Variants in ANXA13 observed in about 807,000 individuals in gnomAD.
ANXA13 encodes the protein annexin XIII.
In ANXA13, 36 loss-of-function variants were observed where a neutral mutation model predicts 46.6. That is an observed-to-expected ratio of 0.77 (90% confidence interval 0.59 to 1.02). The LOEUF (loss-of-function observed/expected upper bound fraction) is 1.02, where lower values mean the gene tolerates loss of function less well. ANXA13 is among the 50% of genes least tolerant of loss of function. The probability of loss-of-function intolerance (pLI) is 0.00; values close to 1 mark genes in which losing one functional copy is unlikely to be tolerated. For missense variants in ANXA13, 417 were observed against 396.5 expected, an observed-to-expected ratio of 1.05 and a Z score of -0.44; for synonymous variants, 163 against 152.9, an observed-to-expected ratio of 1.07 and a Z score of -0.49.
chr8:123,728,133 T>C (rs1814037866), intron 1 of ANXA13: 2 of 152,198 alleles, frequency 1.3e-5, no homozygotes, highest in Non-Finnish European at 2.9e-5. Context: ...CCTTGAGTGC[T>C]GTGTTGGGCT....
In ANXA13 at chr8:123,690,813, A is replaced by G. The variant is rs373278878; in HGVS notation, c.643-1867T>C. On this transcript the variant is annotated intron_variant, in intron 8 of 10. Transcript: ENST00000419625. This position sits in a 1 kb window ranked among gnomAD's most constrained non-coding sequence, Gnocchi z 4.6. ...CCCAAATGGACGGCACGCTGACAGCAGAGCCCTCTGTGCTCTGGCACTGAC... is the reference window on the plus strand; with the variant it reads ...CCCAAATGGACGGCACGCTGACAGCGGAGCCCTCTGTGCTCTGGCACTGAC... 2.6e-5 allele frequency among the ~76,000 whole-genome samples: 4 copies of G among 152,318 alleles called. No homozygotes were observed. The East Asian group carries it at 7.7e-4, about 29-fold the overall frequency.
chr8:123,691,620 C>G (rs1813244555), intron 8 of ANXA13, among the ~76,000 whole-genome samples: 1 of 152,158 alleles, frequency 6.6e-6, no homozygotes, highest in African/African-American at 2.4e-5. Context: ...AACCGAGGCA[C>G]AGAACCCTTA....
At chr8:123,719,356 T>A (rs1813818248) in intron 1 of ANXA13, among the ~76,000 whole-genome samples, 1 of 152,220 alleles carries the variant, frequency 6.6e-6, no homozygotes, top group Non-Finnish European at 1.5e-5. Flanking sequence ...CTCCTTATTT[T>A]TCCTCCCTTA....
In ANXA13 at chr8:123,702,588, G is replaced by A. The variant is rs374755044; in HGVS notation, c.186+54C>T. Reference sequence around the variant, plus strand: ...CGTGGCCTGGGGACATGAGGAAGCCGAGACGGCTGAGGCCATGGCTGGGTG... The same window carrying A: ...CGTGGCCTGGGGACATGAGGAAGCCAAGACGGCTGAGGCCATGGCTGGGTG... On this transcript the variant is annotated intron_variant, in intron 3 of 10. Coordinates refer to ENST00000419625, the MANE Select transcript of ANXA13 (RefSeq NM_004306.4). 28 of 1,449,510 alleles carry A rather than the reference G, an allele frequency of 1.9e-5. No homozygotes were observed. The Admixed American group carries it at 2.0e-4, about 10-fold the overall frequency. The allele number at this position is 1,449,510 out of a possible 1,614,324, so 89.8% of individuals were successfully genotyped here. A position where few individuals can be genotyped will look rare whatever the true frequency, so the allele number is the denominator to read the frequency against.
At chr8:123,697,533 G>A (rs1448157888) in intron 4 of ANXA13, among the ~76,000 whole-genome samples, 3 of 152,224 alleles carry the variant, frequency 2.0e-5, no homozygotes, top group Admixed American at 6.5e-5. Context: ...GCTGAGCAGC[G>A]TGAACGTGGC....
At chr8:123,681,420 G>A in intron 10 of ANXA13, 61 bp from the exon 11 acceptor site, 1 of 1,526,314 alleles carries the variant, frequency 6.6e-7, no homozygotes, top group Non-Finnish European at 9.0e-7. Flanking sequence ...CAAACAGTGG[G>A]CACTGTTCTA....
At chr8:123,729,274 C>T (rs1403776118) in intron 1 of ANXA13, 2 of 152,126 alleles carry the variant, frequency 1.3e-5, no homozygotes, top group Non-Finnish European at 2.9e-5. Flanking sequence ...TCTCACCAGC[C>T]CCTTTTGCTT....
rs778941952 is a variant in ANXA13, at chr8:123,693,678, A to G, written c.540+33T>C. On this transcript the variant is annotated intron_variant, in intron 7 of 10. Transcript: ENST00000419625. ...ATAATGCTAATAAATTTAAAAAAAG[A>G]ATTTGCAGAGACTGGCATGTCTGCA... 5 of 1,563,702 alleles carry G rather than the reference A, an allele frequency of 3.2e-6. No individual in the cohort carries two copies. The Admixed American group carries it at 1.0e-4, about 31-fold the overall frequency.
intron 1 of ANXA13, among the ~76,000 whole-genome samples, chr8:123,732,729 T>G (rs1244440547): frequency 6.6e-6 from 1 of 152,010 alleles, no homozygotes; most frequent in East Asian, 1.9e-4. Context: ...GATTGCATAA[T>G]TGTACCTAAA....
At chr8:123,695,120 G>T (rs1478897856) in intron 6 of ANXA13, among the ~76,000 whole-genome samples, 2 of 152,072 alleles carry the variant, frequency 1.3e-5, no homozygotes, top group African/African-American at 4.8e-5. Flanking sequence ...TGTGGAAGCG[G>T]CCCTGCTTGG....
intron 1 of ANXA13, among the ~76,000 whole-genome samples, chr8:123,725,017 C>T (rs1813956702): frequency 1.3e-5 from 2 of 152,182 alleles, no homozygotes; most frequent in Admixed American, 1.3e-4. Context: ...CCCATGTGGA[C>T]CATGTAAACA....
intron 2 of ANXA13, among the ~76,000 whole-genome samples, chr8:123,706,485 C>T (rs1813542588): frequency 6.6e-6 from 1 of 152,150 alleles, no homozygotes; most frequent in African/African-American, 2.4e-5. Context: ...TGGCTGTCCC[C>T]TTTCCCTCAC....
At chr8:123,687,015 T>C (rs975920319) in intron 9 of ANXA13, among the ~76,000 whole-genome samples, 8 of 152,220 alleles carry the variant, frequency 5.3e-5, no homozygotes, top group African/African-American at 1.9e-4. Flanking sequence ...GTACCATCTT[T>C]GCTCTTTGTT....
At chr8:123,730,726 G>C (rs1313319473) in intron 1 of ANXA13, among the ~76,000 whole-genome samples, 1 of 152,182 alleles carries the variant, frequency 6.6e-6, no homozygotes, top group Non-Finnish European at 1.5e-5. Context: ...CCCAGACTGG[G>C]TAATTTATAA....
At chr8:123,687,464 G>C (rs1813160582) in intron 9 of ANXA13, among the ~76,000 whole-genome samples, 1 of 152,126 alleles carries the variant, frequency 6.6e-6, no homozygotes, top group Non-Finnish European at 1.5e-5. Context: ...GGCATAAATG[G>C]CTTAAGGCCC....
At chr8:123,733,768 G>A (rs1168783731) in intron 1 of ANXA13, among the ~76,000 whole-genome samples, 1 of 152,118 alleles carries the variant, frequency 6.6e-6, no homozygotes, top group Admixed American at 6.6e-5. Flanking sequence ...AGCCACCTGG[G>A]GAGCACTTAC....
In ANXA13 at chr8:123,681,655, C is replaced by T. The variant is rs1194245077; in HGVS notation, c.832-296G>A. On this transcript the variant is annotated intron_variant, in intron 10 of 10. Transcript: ENST00000419625. Reference sequence around the variant, plus strand: ...TTTTTTTTTTTGAGACAGAGCTTTGCTCTTGTTGCCGAGGCTGGAGTGCAA... The same window carrying T: ...TTTTTTTTTTTGAGACAGAGCTTTGTTCTTGTTGCCGAGGCTGGAGTGCAA... 3.9e-4 allele frequency among the ~76,000 whole-genome samples: 49 copies of T among 125,584 alleles called. No individual in the cohort carries two copies. In the Admixed American group the frequency reaches 4.7e-3, roughly 12 times the overall value. The allele number at this position is 125,584 out of a possible 152,430, so 82.4% of individuals were successfully genotyped here. A position where few individuals can be genotyped will look rare whatever the true frequency, so the allele number is the denominator to read the frequency against.
chr8:123,730,669 A>T (rs1187068292), intron 1 of ANXA13, among the ~76,000 whole-genome samples: 1 of 152,144 alleles, frequency 6.6e-6, no homozygotes, highest in Admixed American at 6.6e-5. Flanking sequence ...AAATCCAATT[A>T]TTGCTGTCTG....
chr8:123,701,206 G>A (rs912158152), intron 3 of ANXA13, among the ~76,000 whole-genome samples: 5 of 152,054 alleles, frequency 3.3e-5, no homozygotes, highest in Admixed American at 2.6e-4. Context: ...CAGGCACGGT[G>A]GCTCACACCT....
Sources: gnomAD v4.1 joint callset for allele counts (sites outside exome capture counted in the v4.1 genomes callset) on GRCh38, gnomAD v4.1.1 for gene constraint, Gnocchi (gnomAD v3.1) non-coding constraint, MANE v1.5 for transcripts, NCBI Gene and HGNC (gene_info 2026-07-23, HGNC 2026-07-21) for gene names.